Variants in DAB1 observed in about 807,000 individuals in gnomAD.
DAB1 encodes disabled homolog 1.
In DAB1, 15 loss-of-function variants were observed where a neutral mutation model predicts 64.6. That is an observed-to-expected ratio of 0.23 (90% confidence interval 0.16 to 0.36). The LOEUF (loss-of-function observed/expected upper bound fraction) is 0.36. DAB1 is among the 10% of genes least tolerant of loss of function. DAB1 has a pLI of 1.00. For missense variants in DAB1, 596 were observed against 706.7 expected (o/e 0.84, Z 1.78); for synonymous variants, 235 against 251.9 (o/e 0.93, Z 0.64).
chr1:58,108,342 G>T (rs778568967), intron 5 of DAB1, among the ~76,000 whole-genome samples: 4 of 152,090 alleles, frequency 2.6e-5, no homozygotes, highest in African/African-American at 4.8e-5. Context: ...CCTTAGGGCT[G>T]GTTGTTACTT....
intron 7 of DAB1, among the ~76,000 whole-genome samples, chr1:57,565,600 C>CA (rs944858129): frequency 4.0e-5 from 6 of 150,840 alleles, no homozygotes; most frequent in East Asian, 1.9e-4. Flanking sequence ...AAATGGAAAA[C>CA]AAAAAAAAGG....
intron 1 of DAB1, among the ~76,000 whole-genome samples, chr1:57,355,393 C>A (rs768274007): frequency 6.6e-6 from 1 of 151,396 alleles, no homozygotes; most frequent in African/African-American, 2.4e-5. Context: ...TCCTTCCTTC[C>A]GTCCTTCCGT....
At chr1:57,218,880 G>C (rs370784656) in intron 2 of DAB1, among the ~76,000 whole-genome samples, 1 of 152,070 alleles carries the variant, frequency 6.6e-6, no homozygotes, top group Non-Finnish European at 1.5e-5. Flanking sequence ...AGATGAGGAC[G>C]GCCAGCAGCG....
intron 5 of DAB1, among the ~76,000 whole-genome samples, chr1:58,130,517 T>G (rs1373704325): frequency 6.6e-6 from 1 of 152,094 alleles, no homozygotes. Context: ...TAGCTGGTGA[T>G]TTTGCTCGTT....
At chr1:57,582,151 A>G (rs1645320955) in intron 7 of DAB1, among the ~76,000 whole-genome samples, 1 of 152,150 alleles carries the variant, frequency 6.6e-6, no homozygotes, top group African/African-American at 2.4e-5. Flanking sequence ...GTATTAGTCC[A>G]TTTTCACACT....
At chr1:58,013,178 G>GTTACAGC (rs1359681091) in intron 5 of DAB1, among the ~76,000 whole-genome samples, 1 of 152,134 alleles carries the variant, frequency 6.6e-6, no homozygotes, top group Non-Finnish European at 1.5e-5. Context: ...TTTTAGGATC[G>GTTACAGC]TTACAGCAGC....
chr1:58,355,681 C>T (rs1644104117), intron 3 of DAB1, among the ~76,000 whole-genome samples: 1 of 152,194 alleles, frequency 6.6e-6, no homozygotes, highest in South Asian at 2.1e-4. Context: ...ACCTCCTCTT[C>T]CCCCTTATTT....
intron 3 of DAB1, among the ~76,000 whole-genome samples, chr1:58,344,926 G>T (rs1254953565): frequency 6.6e-6 from 1 of 152,046 alleles, no homozygotes; most frequent in Non-Finnish European, 1.5e-5. Context: ...ATTCAGCTAG[G>T]TCTTTCAGCC....
intron 3 of DAB1, among the ~76,000 whole-genome samples, chr1:58,399,722 C>T (rs1188571280): frequency 2.0e-5 from 3 of 152,176 alleles, no homozygotes; most frequent in Admixed American, 6.5e-5. Context: ...TGAGCAACAA[C>T]GAATGCATGC....
intron 3 of DAB1, among the ~76,000 whole-genome samples, chr1:58,397,866 A>G (rs1644536232): frequency 6.6e-6 from 1 of 152,058 alleles, no homozygotes; most frequent in African/African-American, 2.4e-5. Flanking sequence ...TACCTACCTC[A>G]CTGCATTGTT....
At chr1:57,942,808 T>C (rs950277970) in intron 5 of DAB1, among the ~76,000 whole-genome samples, 1 of 152,140 alleles carries the variant, frequency 6.6e-6, no homozygotes, top group African/African-American at 2.4e-5. Context: ...TCACTCTGGT[T>C]AGGAGACAAT....
At position 57,124,353 on chromosome 1, in the gene DAB1, A is replaced by G. The variant is rs544801457; in HGVS notation, c.306+12190T>C. Among the ~76,000 whole-genome samples, 13 of 152,266 alleles carry G rather than the reference A, an allele frequency of 8.5e-5. No homozygotes were observed. The South Asian group carries it at 2.1e-3, about 24-fold the overall frequency. ...GTCTATTCACATGGGTAAATATATC[A>G]TACAGCACAGTCAGAGTCATGAGAT... On this transcript the variant is annotated intron_variant, in intron 4 of 14. Transcript: ENST00000371236.
chr1:57,422,376 G>C (rs1171846426), intron 1 of DAB1, among the ~76,000 whole-genome samples: 1 of 152,088 alleles, frequency 6.6e-6, no homozygotes, highest in Non-Finnish European at 1.5e-5. Context: ...GCTCGCCCCC[G>C]GGCTCGCCCC....
chr1:57,801,010 C>A (rs1319788945), intron 6 of DAB1, among the ~76,000 whole-genome samples: 1 of 152,270 alleles, frequency 6.6e-6, no homozygotes, highest in South Asian at 2.1e-4. Context: ...CATATCCCTA[C>A]CGATAAAGTG....
chr1:58,307,276 C>T (rs968671357), intron 4 of DAB1, among the ~76,000 whole-genome samples: 1 of 152,214 alleles, frequency 6.6e-6, no homozygotes, highest in Non-Finnish European at 1.5e-5. Context: ...TTAGGGCCTA[C>T]TGCATGCCAG....
chr1:57,060,799 C>A (rs1417630818), intron 9 of DAB1, among the ~76,000 whole-genome samples: 1 of 151,516 alleles, frequency 6.6e-6, no homozygotes, highest in African/African-American at 2.4e-5. Context: ...GGAGAGGGGA[C>A]CTTCAGGCAG....
At chr1:57,962,379 C>T (rs1033101084) in intron 5 of DAB1, among the ~76,000 whole-genome samples, 12 of 152,092 alleles carry the variant, frequency 7.9e-5, no homozygotes, top group African/African-American at 2.7e-4. Flanking sequence ...TTTTCACCCA[C>T]ATCAATTTTG....
upstream of DAB1, among the ~76,000 whole-genome samples, chr1:57,428,586 C>T (rs868688503): frequency 3.3e-5 from 5 of 152,048 alleles, no homozygotes; most frequent in South Asian, 1.0e-3. Flanking sequence ...AGGGCGGTTC[C>T]GTATCTTGGC....
intron 5 of DAB1, chr1:58,049,409 A>G: frequency 2.2e-6 from 1 of 459,636 alleles, no homozygotes; most frequent in Non-Finnish European, 4.0e-6. Context: ...TTCCGATAAT[A>G]ATTATGCTCA....
Sources: allele counts gnomAD v4.1 joint callset (sites outside exome capture counted in the v4.1 genomes callset), GRCh38; gene constraint gnomAD v4.1.1; transcripts MANE v1.5; gene names NCBI Gene and HGNC (gene_info 2026-07-23, HGNC 2026-07-21).